SPIN1: variants seen among roughly 807,000 people sequenced by gnomAD.
SPIN1 encodes the protein spindlin 1, also known as spindlin-1.
In SPIN1, 3 loss-of-function variants were observed where a neutral mutation model predicts 26.0. The ratio of observed to expected loss-of-function variants is 0.12; its 90% CI spans 0.05 to 0.30. The LOEUF (loss-of-function observed/expected upper bound fraction) is 0.30, where lower values mean the gene tolerates loss of function less well. Among genes scored for constraint, SPIN1 ranks in the 10% least tolerant of loss-of-function variants. The probability of loss-of-function intolerance (pLI) is 1.00; values close to 1 mark genes in which losing one functional copy is unlikely to be tolerated. For missense variants in SPIN1, 126 were observed against 333.4 expected (o/e 0.38, Z 4.84); for synonymous variants, 101 against 116.5 (o/e 0.87, Z 0.86).
At chr9:88,451,146 C>G (rs1228356755) in intron 3 of SPIN1, among the ~76,000 whole-genome samples, 1 of 152,132 alleles carries the variant, frequency 6.6e-6, no homozygotes, top group Non-Finnish European at 1.5e-5. Context: ...TCCCTCTCCC[C>G]TTCACTTTTT....
intron 2 of SPIN1, among the ~76,000 whole-genome samples, chr9:88,427,072 G>A (rs1827777359): frequency 6.6e-6 from 1 of 152,112 alleles, no homozygotes; most frequent in Non-Finnish European, 1.5e-5. Context: ...ATAGAAGTTA[G>A]TCTTTGCCTG....
At chr9:88,459,857 C>G (rs1342510594) in intron 3 of SPIN1, among the ~76,000 whole-genome samples, 1 of 152,094 alleles carries the variant, frequency 6.6e-6, no homozygotes, top group African/African-American at 2.4e-5. Context: ...GTCAGTGTAC[C>G]TTCTTGGCTG....
At chr9:88,392,787 C>A (rs1177396754) in intron 1 of SPIN1, among the ~76,000 whole-genome samples, 1 of 152,078 alleles carries the variant, frequency 6.6e-6, no homozygotes, top group Admixed American at 6.5e-5. Flanking sequence ...TCCTGGTGTA[C>A]AGTAAATGCC....
Position 88,397,902 on chromosome 9 carries a change from G to A in SPIN1, c.-159+9364G>A, listed in dbSNP as rs148288253. Among the ~76,000 whole-genome samples, 1,120 of 151,754 alleles carry A rather than the reference G, an allele frequency of 7.4e-3. 14 individuals carry two copies. The highest frequency in any genetic ancestry group is 0.025 in the African/African-American group (1,048 of 41,442). Reference sequence around the variant, plus strand: ...GCCTCCCAAAGTGCTGAGATTACAGGTGTGAGCCACCGTGCCCAGCCTGAA... The same window carrying A: ...GCCTCCCAAAGTGCTGAGATTACAGATGTGAGCCACCGTGCCCAGCCTGAA... On this transcript the variant is annotated intron_variant, in intron 1 of 5. Coordinates refer to ENST00000375859, the MANE Select transcript of SPIN1 (RefSeq NM_006717.3).
chr9:88,416,214 T>C (rs1271040446), intron 1 of SPIN1, among the ~76,000 whole-genome samples: 1 of 152,246 alleles, frequency 6.6e-6, no homozygotes, highest in Non-Finnish European at 1.5e-5. Flanking sequence ...GCAGTTAATA[T>C]CTGTCCTCAA....
At chr9:88,412,539 C>A (rs1206626453) in intron 1 of SPIN1, among the ~76,000 whole-genome samples, 1 of 152,110 alleles carries the variant, frequency 6.6e-6, no homozygotes, top group Non-Finnish European at 1.5e-5. Flanking sequence ...GACCGTTTGC[C>A]AGTTTTATGA....
intron 2 of SPIN1, among the ~76,000 whole-genome samples, chr9:88,440,401 C>T (rs141644638): frequency 9.6e-4 from 146 of 152,288 alleles, no homozygotes; most frequent in African/African-American, 3.3e-3. Context: ...TCAAGCGATC[C>T]GTCCACCTTA....
Position 88,435,172 on chromosome 9 carries a change from G to C in SPIN1, c.52+8581G>C, listed in dbSNP as rs572918870. 4.0e-5 allele frequency among the ~76,000 whole-genome samples: 6 copies of C among 151,824 alleles called. No homozygotes were observed. The East Asian group carries it at 1.2e-3, about 29-fold the overall frequency. Reference sequence around the variant, plus strand: ...TGTATGATTTTGTGAGATCTCACCAGATTGCCCTCCATCGACTCTGTATTA... The same window carrying C: ...TGTATGATTTTGTGAGATCTCACCACATTGCCCTCCATCGACTCTGTATTA... On this transcript the variant is annotated intron_variant, in intron 2 of 5. Transcript: ENST00000375859.
intron 1 of SPIN1, among the ~76,000 whole-genome samples, chr9:88,425,486 T>C (rs1827746227): frequency 1.3e-5 from 2 of 152,032 alleles, no homozygotes; most frequent in South Asian, 4.1e-4. Context: ...GAGACCATCC[T>C]GACCAACATG....
At chr9:88,432,497 T>C (rs1433360155) in intron 2 of SPIN1, among the ~76,000 whole-genome samples, 1 of 151,252 alleles carries the variant, frequency 6.6e-6, no homozygotes, top group South Asian at 2.1e-4. Context: ...TTTTTTTTTT[T>C]TCTTTGAGAC....
At chr9:88,395,432 C>A (rs1827033211) in intron 1 of SPIN1, among the ~76,000 whole-genome samples, 1 of 151,990 alleles carries the variant, frequency 6.6e-6, no homozygotes. Context: ...CAACTCATCT[C>A]CTAATGATGA....
At chr9:88,455,458 G>GA (rs1180238416) in intron 3 of SPIN1, among the ~76,000 whole-genome samples, 3 of 152,116 alleles carry the variant, frequency 2.0e-5, no homozygotes, top group Non-Finnish European at 4.4e-5. Context: ...CTCCGTGTCA[G>GA]AAAAAACAGT....
chr9:88,452,465 C>T (rs1828372874), intron 3 of SPIN1, among the ~76,000 whole-genome samples: 1 of 152,140 alleles, frequency 6.6e-6, no homozygotes, highest in Non-Finnish European at 1.5e-5. Context: ...TCTATGTGCA[C>T]CATGGTGTAT....
intron 5 of SPIN1, among the ~76,000 whole-genome samples, chr9:88,471,854 A>G (rs1317494924): frequency 6.6e-6 from 1 of 151,254 alleles, no homozygotes; most frequent in African/African-American, 2.4e-5. Flanking sequence ...TTTTTTTGAG[A>G]CAGTCGCACT....
intron 3 of SPIN1, among the ~76,000 whole-genome samples, chr9:88,452,678 T>A (rs1828377394): frequency 6.6e-6 from 1 of 152,232 alleles, no homozygotes; most frequent in African/African-American, 2.4e-5. Flanking sequence ...CTGACTTTTT[T>A]AGGGTCTATC....
At chr9:88,397,807 A>G (rs1299143034) in intron 1 of SPIN1, among the ~76,000 whole-genome samples, 2 of 150,482 alleles carry the variant, frequency 1.3e-5, no homozygotes, top group African/African-American at 4.9e-5. Context: ...TATTTTTAGT[A>G]GAGACAGGGT....
intron 1 of SPIN1, among the ~76,000 whole-genome samples, chr9:88,422,452 G>A (rs1827688559): frequency 6.6e-6 from 1 of 152,130 alleles, no homozygotes; most frequent in Non-Finnish European, 1.5e-5. Flanking sequence ...AGAAGAGTGG[G>A]ATTTGTTTTA....
chr9:88,468,499 C>T lies in SPIN1; in HGVS notation c.483C>T (p.Val161=). 6.2e-7 allele frequency: 1 copy of T among 1,613,686 alleles called. No homozygotes were observed. Among genetic ancestry groups the T allele is most frequent in the Non-Finnish European group, 8.5e-7 (1 of 1,179,842 alleles). ...GAATGGTCTTAGCACGTGCACCTGT[C>T]ATGAACACATGGTTTTACATTACCT... ...WRGMVLARAP[V]MNTWFYITYE... is the part of the protein sequence containing the mutation. Residue 161 remains valine (V), a synonymous_variant, in exon 5 of 6, where the codon GTC becomes GTT. Coordinates refer to ENST00000375859, the MANE Select transcript of SPIN1 (RefSeq NM_006717.3).
At chr9:88,409,572 A>G (rs1237281758) in intron 1 of SPIN1, among the ~76,000 whole-genome samples, 1 of 151,840 alleles carries the variant, frequency 6.6e-6, no homozygotes, top group Non-Finnish European at 1.5e-5. Flanking sequence ...GCGGTGGCTC[A>G]TTCCTGTAAT....
Sources: gnomAD v4.1 joint callset for allele counts (sites outside exome capture counted in the v4.1 genomes callset) on GRCh38, gnomAD v4.1.1 for gene constraint, MANE v1.5 for transcripts, NCBI Gene and HGNC (gene_info 2026-07-23, HGNC 2026-07-21) for gene names.